Variants in UTRN observed in about 807,000 individuals in gnomAD.
UTRN encodes the protein dystrophin-related protein 1.
A neutral mutation model predicts 463.9 loss-of-function variants in UTRN; 283 were observed. The ratio of observed to expected loss-of-function variants is 0.61; its 90% CI spans 0.55 to 0.67. UTRN has a LOEUF of 0.67. Ranked by LOEUF, UTRN falls within the 30% of genes least tolerant of loss-of-function variation. The pLI, the probability that UTRN is intolerant of heterozygous loss-of-function variation, is 0.00. For missense variants in UTRN, 3,922 were observed against 4,084.3 expected (o/e 0.96, Z 1.08); for synonymous variants, 1,442 against 1,431.5 (o/e 1.01, Z -0.17).
intron 60 of UTRN, among the ~76,000 whole-genome samples, chr6:144,781,680 C>CA (rs1775843862): frequency 1.3e-5 from 2 of 151,822 alleles, no homozygotes; most frequent in Non-Finnish European, 2.9e-5. Flanking sequence ...TTCCAAAGAG[C>CA]AAAAAATGAG....
At chr6:144,352,691 G>A (rs561185444) in intron 2 of UTRN, among the ~76,000 whole-genome samples, 3 of 152,242 alleles carry the variant, frequency 2.0e-5, no homozygotes, top group African/African-American at 7.2e-5. Context: ...TAGGCCTTAC[G>A]CTGCAACATT....
intron 41 of UTRN, among the ~76,000 whole-genome samples, chr6:144,530,507 AG>A (rs1796949724): frequency 1.3e-5 from 2 of 152,148 alleles, no homozygotes; most frequent in African/African-American, 4.8e-5. Context: ...GGCATTTTGA[AG>A]TGTTTTGGCC....
intron 46 of UTRN, among the ~76,000 whole-genome samples, chr6:144,543,813 T>A (rs543554386): frequency 6.6e-6 from 1 of 152,260 alleles, no homozygotes; most frequent in African/African-American, 2.4e-5. Context: ...GACAATATAT[T>A]TTTTTTCATT....
chr6:144,765,389 T>G (rs1793186966), intron 58 of UTRN, among the ~76,000 whole-genome samples: 1 of 152,210 alleles, frequency 6.6e-6, no homozygotes, highest in Non-Finnish European at 1.5e-5. Flanking sequence ...TATCTTTAAA[T>G]CTACTCTTGA....
chr6:144,801,787 T>A (rs1407434199), intron 64 of UTRN, among the ~76,000 whole-genome samples: 1 of 152,232 alleles, frequency 6.6e-6, no homozygotes, highest in South Asian at 2.1e-4. Context: ...GGCCCTTAGC[T>A]CTGTTTTCAT....
At chr6:144,521,594 A>G (rs1011671424) in intron 39 of UTRN, among the ~76,000 whole-genome samples, 6 of 152,180 alleles carry the variant, frequency 3.9e-5, no homozygotes, top group African/African-American at 1.2e-4. Flanking sequence ...TGATATTTTT[A>G]AAAGAGTGAA....
At chr6:144,654,879 A>G (rs1307481921) in intron 51 of UTRN, among the ~76,000 whole-genome samples, 2 of 152,224 alleles carry the variant, frequency 1.3e-5, no homozygotes, top group South Asian at 4.1e-4. Flanking sequence ...TTCAGAAGCA[A>G]ATCAGCTGGT....
chr6:144,514,875 T>C (rs1282490116), intron 37 of UTRN, 55 bp downstream of exon 37: 2 of 1,540,548 alleles, frequency 1.3e-6, no homozygotes, highest in African/African-American at 2.8e-5. Context: ...TGTATCTAAA[T>C]GATAGTCATA....
chr6:144,392,801 G>A lies in UTRN; in HGVS notation c.80-10322G>A, dbSNP rs115971088. Among the ~76,000 whole-genome samples, 450 of 152,200 alleles carry A rather than the reference G, an allele frequency of 3.0e-3. 2 individuals carry two copies. The highest frequency in any genetic ancestry group is 0.01 in the African/African-American group (435 of 41,514). On this transcript the variant is annotated intron_variant, in intron 2 of 74. Coordinates refer to ENST00000367545, the MANE Select transcript of UTRN (RefSeq NM_007124.3). The stretch of plus-strand genomic sequence containing the variant: ...CATCCTACCTGTCTCTTTTCTTAGC[G>A]TTCCTTTCATAATTCTTCTTTTTGA...
rs11355493 is a variant in UTRN at position 144,460,001 on chromosome 6, ATTT to A, written c.2707+665_2707+667del. ...GACCTGGATATAATGATTTTTAAAG[ATTT>A]TTTTTTTTTTTTTTTTTGAGAAACA... On this transcript the variant is annotated intron_variant, in intron 21 of 74. Transcript: ENST00000367545. Among the ~76,000 whole-genome samples the A allele has an allele frequency of 9.8e-3, 1,295 of 132,814 alleles. 14 individuals are homozygous for A. The highest frequency in any genetic ancestry group is 0.034 in the African/African-American group (1,194 of 35,498). 87.1% of individuals were successfully genotyped at this position (132,814 alleles called of 152,430 possible).
intron 3 of UTRN, among the ~76,000 whole-genome samples, chr6:144,418,045 C>T (rs1044134188): frequency 3.3e-5 from 5 of 152,048 alleles, no homozygotes; most frequent in African/African-American, 9.7e-5. Context: ...GATATAGTCA[C>T]ATCAACCATT....
In UTRN at chr6:144,291,749, A is replaced by G; in HGVS notation, c.-80A>G. 7.8e-7 allele frequency: 1 copy of G among 1,274,010 alleles called. No individual in the cohort carries two copies. Among genetic ancestry groups the G allele is most frequent in the Admixed American group, 2.4e-5 (1 of 42,538 alleles). 78.9% of individuals were successfully genotyped at this position (1,274,010 alleles called of 1,614,324 possible). ...CTTTTCCTTTTAGGTATTGATGTCAAGCTGAACCATCGTAGGAAGTTGAAA... is the reference window on the plus strand; with the variant it reads ...CTTTTCCTTTTAGGTATTGATGTCAGGCTGAACCATCGTAGGAAGTTGAAA... On this transcript the variant is annotated 5_prime_UTR_variant, in exon 2 of 75. Coordinates refer to ENST00000367545, the MANE Select transcript of UTRN (RefSeq NM_007124.3).
At chr6:144,705,553 A>G (rs997211304) in intron 53 of UTRN, among the ~76,000 whole-genome samples, 2 of 152,170 alleles carry the variant, frequency 1.3e-5, no homozygotes, top group African/African-American at 4.8e-5. Context: ...AGTCTTTTAT[A>G]TGATACTGAT....
chr6:144,666,724 G>C (rs1337910544), intron 51 of UTRN, among the ~76,000 whole-genome samples: 2 of 152,150 alleles, frequency 1.3e-5, no homozygotes, highest in African/African-American at 4.8e-5. Context: ...ATGATCATGT[G>C]TGGAAGGGTT....
At chr6:144,802,076 G>GA (rs1267560597) in intron 64 of UTRN, among the ~76,000 whole-genome samples, 1 of 152,108 alleles carries the variant, frequency 6.6e-6, no homozygotes, top group Non-Finnish European at 1.5e-5. Flanking sequence ...TGTTACCAAT[G>GA]AAAAAGAGAG....
intron 53 of UTRN, among the ~76,000 whole-genome samples, chr6:144,719,635 A>G (rs10046132): frequency 0.046 from 7,047 of 152,264 alleles, 203 homozygotes; most frequent in Non-Finnish European, 0.053. Context: ...TGCAAAGACC[A>G]TGAGGAGGAA....
chr6:144,442,174 G>A (rs902031352), intron 13 of UTRN, among the ~76,000 whole-genome samples: 1 of 152,140 alleles, frequency 6.6e-6, no homozygotes, highest in Non-Finnish European at 1.5e-5. Flanking sequence ...CAGAAAATGA[G>A]ATTTTCTTTT....
chr6:144,457,069 A>G (rs1788922857), intron 19 of UTRN, among the ~76,000 whole-genome samples: 1 of 152,214 alleles, frequency 6.6e-6, no homozygotes, highest in Admixed American at 6.5e-5. Context: ...GTTTTATAGA[A>G]ATAGAAAATT....
intron 2 of UTRN, among the ~76,000 whole-genome samples, chr6:144,329,939 G>A (rs1293520883): frequency 6.6e-6 from 1 of 152,208 alleles, no homozygotes; most frequent in Non-Finnish European, 1.5e-5. Context: ...TGAGCTCTAT[G>A]ATGGCATCTG....
Sources: allele counts gnomAD v4.1 joint callset (sites outside exome capture counted in the v4.1 genomes callset), GRCh38; gene constraint gnomAD v4.1.1; transcripts MANE v1.5; gene names NCBI Gene and HGNC (gene_info 2026-07-23, HGNC 2026-07-21).